DAB1: variants seen among roughly 807,000 people sequenced by gnomAD.
The protein encoded by DAB1 is DAB adaptor protein 1, also known as disabled homolog 1.
DAB1 carries 15 observed loss-of-function variants against 64.6 expected under a neutral mutation model. The ratio of observed to expected loss-of-function variants is 0.23; its 90% CI spans 0.16 to 0.36. The LOEUF (loss-of-function observed/expected upper bound fraction) is 0.36. DAB1 is among the 10% of genes least tolerant of loss of function. The pLI is 1.00. For missense variants in DAB1, 596 were observed against 706.7 expected (o/e 0.84, Z 1.78); for synonymous variants, 235 against 251.9 (o/e 0.93, Z 0.64).
intron 1 of DAB1, among the ~76,000 whole-genome samples, chr1:57,379,922 A>G (rs1420471947): frequency 1.3e-5 from 2 of 152,210 alleles, no homozygotes; most frequent in Admixed American, 6.5e-5. Context: ...CAGTTTTTCC[A>G]TTTGCCAAAC....
At chr1:57,317,700 C>T (rs185602245) in intron 1 of DAB1, among the ~76,000 whole-genome samples, 16 of 152,226 alleles carry the variant, frequency 1.1e-4, no homozygotes, top group East Asian at 1.9e-4. Flanking sequence ...ATGAAGTCTC[C>T]GGTACCATTC....
At chr1:58,364,710 T>G (rs944018785) in intron 3 of DAB1, among the ~76,000 whole-genome samples, 3 of 152,264 alleles carry the variant, frequency 2.0e-5, no homozygotes, top group African/African-American at 4.8e-5. Context: ...TCTGTATTTA[T>G]ATACATGTGT....
chr1:58,224,398 G>T (rs549665786), intron 4 of DAB1, among the ~76,000 whole-genome samples: 1 of 152,270 alleles, frequency 6.6e-6, no homozygotes, highest in Non-Finnish European at 1.5e-5. Flanking sequence ...TTTTGGCAGG[G>T]AATTTAGGGG....
chr1:57,507,011 C>A (rs12407168), intron 7 of DAB1, among the ~76,000 whole-genome samples: 7 of 152,034 alleles, frequency 4.6e-5, no homozygotes, highest in Non-Finnish European at 8.8e-5. Flanking sequence ...CAGTCCCTCT[C>A]ATCTACAATC....
chr1:57,495,098 A>G (rs1644214084), intron 7 of DAB1, among the ~76,000 whole-genome samples: 1 of 152,212 alleles, frequency 6.6e-6, no homozygotes, highest in Non-Finnish European at 1.5e-5. Flanking sequence ...GCATGGCAGG[A>G]GTTCACAAAA....
intron 3 of DAB1, among the ~76,000 whole-genome samples, chr1:58,373,260 GC>G (rs1644286282): frequency 1.4e-5 from 2 of 146,378 alleles, no homozygotes; most frequent in Middle Eastern, 3.5e-3. Context: ...CCATGCTGGT[GC>G]GCTGCACCCA....
At chr1:58,503,184 C>T (rs1420433436) in intron 3 of DAB1, among the ~76,000 whole-genome samples, 3 of 151,700 alleles carry the variant, frequency 2.0e-5, no homozygotes, top group South Asian at 2.1e-4. Flanking sequence ...TTTCATTGAG[C>T]GAAAATAAAA....
intron 1 of DAB1, among the ~76,000 whole-genome samples, chr1:57,351,393 C>T (rs921644931): frequency 6.6e-6 from 1 of 152,074 alleles, no homozygotes; most frequent in Non-Finnish European, 1.5e-5. Context: ...CTTCACAGGG[C>T]TGTATCAGGT....
In DAB1 at chr1:57,993,682, G is replaced by A. The variant is rs376156921; in HGVS notation, n.388-109520C>T. Among the ~76,000 whole-genome samples the A allele has an allele frequency of 1.4e-3, 209 of 152,272 alleles. 9 individuals carry two copies. In the South Asian group the frequency reaches 0.042, roughly 30 times the overall value. ...GGACTTCTATTGTTACAGAGTTTGG[G>A]GGAGTAGGGGGAGTCCACAAGTCTT... On this transcript the variant is annotated intron_variant and non_coding_transcript_variant, in intron 5 of 20. Transcript: ENST00000485760.
chr1:58,182,190 A>C (rs1306818345), intron 4 of DAB1, among the ~76,000 whole-genome samples: 1 of 151,576 alleles, frequency 6.6e-6, no homozygotes, highest in Non-Finnish European at 1.5e-5. Flanking sequence ...GTGTTTTTTT[A>C]CTTCTTGCTG....
At chr1:58,048,839 T>C in intron 5 of DAB1, 2 of 1,028,332 alleles carry the variant, frequency 1.9e-6, no homozygotes, top group Non-Finnish European at 3.0e-6. Context: ...TTGTCAAAGG[T>C]TACAAAGGCA....
chr1:57,529,813 C>G (rs1644639504), intron 7 of DAB1, among the ~76,000 whole-genome samples: 1 of 152,134 alleles, frequency 6.6e-6, no homozygotes, highest in South Asian at 2.1e-4. Context: ...TCTCACTCCT[C>G]CTTGTTGTTT....
At chr1:58,101,232 G>T (rs1462464140) in intron 5 of DAB1, among the ~76,000 whole-genome samples, 2 of 152,176 alleles carry the variant, frequency 1.3e-5, no homozygotes, top group Non-Finnish European at 2.9e-5. Context: ...CAGGAGAATG[G>T]TGTGAACCTA....
chr1:57,333,705 T>A (rs554661700), intron 1 of DAB1, among the ~76,000 whole-genome samples: 3 of 152,366 alleles, frequency 2.0e-5, no homozygotes, highest in Non-Finnish European at 4.4e-5. Flanking sequence ...AGTGTTAGTA[T>A]CTACTGCATA....
At chr1:57,912,038 C>T (rs1644652757) in intron 5 of DAB1, among the ~76,000 whole-genome samples, 1 of 152,156 alleles carries the variant, frequency 6.6e-6, no homozygotes, top group Admixed American at 6.5e-5. Context: ...CGCACTAAAG[C>T]CTGAGGGGGA....
intron 6 of DAB1, among the ~76,000 whole-genome samples, chr1:57,741,229 GT>G (rs765535519): frequency 6.6e-6 from 1 of 151,996 alleles, no homozygotes; most frequent in African/African-American, 2.4e-5. Flanking sequence ...TAAATCTTCT[GT>G]TTCCTCTCTA....
intron 5 of DAB1, among the ~76,000 whole-genome samples, chr1:57,918,632 G>A (rs1336770490): frequency 2.6e-5 from 4 of 152,064 alleles, no homozygotes; most frequent in Non-Finnish European, 5.9e-5. Context: ...AGACCATCCT[G>A]GCTAACACAG....
rs1169592949 is a variant in DAB1 at position 57,582,501 on chromosome 1, C to T, written n.625+67091G>A. Among the ~76,000 whole-genome samples the T allele has an allele frequency of 4.3e-4, 65 of 152,318 alleles. 1 individual carries two copies. Among genetic ancestry groups the T allele is most frequent in the Non-Finnish European group, 1.0e-4 (7 of 68,032 alleles). On this transcript the variant is annotated intron_variant and non_coding_transcript_variant, in intron 7 of 20. Coordinates refer to the DAB1 transcript ENST00000485760. Reference sequence around the variant, plus strand: ...GACATGGAGCTAAACTAGATCACTTCCCAAAGACATTTCCAAACATCATCA... The same window carrying T: ...GACATGGAGCTAAACTAGATCACTTTCCAAAGACATTTCCAAACATCATCA...
intron 2 of DAB1, among the ~76,000 whole-genome samples, chr1:57,250,211 T>C (rs887367997): frequency 6.6e-6 from 1 of 152,212 alleles, no homozygotes; most frequent in Non-Finnish European, 1.5e-5. Context: ...TTCCTTGCCA[T>C]GGACCATGTG....
Sources: gnomAD v4.1 joint callset for allele counts (sites outside exome capture counted in the v4.1 genomes callset) on GRCh38, gnomAD v4.1.1 for gene constraint, MANE v1.5 for transcripts, NCBI Gene and HGNC (gene_info 2026-07-23, HGNC 2026-07-21) for gene names.